NPTXR: variants seen among roughly 807,000 people sequenced by gnomAD.
NPTXR encodes the protein neuronal pentraxin receptor.
NPTXR carries 12 observed loss-of-function variants against 32.2 expected under a neutral mutation model. The observed-to-expected ratio is 0.37, with a 90% CI of 0.24 to 0.60. The LOEUF (loss-of-function observed/expected upper bound fraction) is 0.60, where lower values mean the gene tolerates loss of function less well. NPTXR is among the 20% of genes least tolerant of loss of function. The pLI is 0.66. For missense variants in NPTXR, 612 were observed against 682.9 expected (o/e 0.90, Z 1.16); for synonymous variants, 323 against 315.8 (o/e 1.02, Z -0.24).
At chr22:38,832,062 C>T (rs566542270) in intron 1 of NPTXR, among the ~76,000 whole-genome samples, 4 of 152,084 alleles carry the variant, frequency 2.6e-5, no homozygotes, top group Non-Finnish European at 4.4e-5. Flanking sequence ...AACAGGGAGT[C>T]GAGGCTATTT....
chr22:38,830,891 C>A (rs537073494), intron 1 of NPTXR, among the ~76,000 whole-genome samples: 2 of 152,304 alleles, frequency 1.3e-5, no homozygotes, highest in Non-Finnish European at 1.5e-5. Flanking sequence ...CCACCCCCCC[C>A]ACCTCTTGTG....
rs1411532744 is a variant in NPTXR at position 38,843,942 on chromosome 22, G to C, written c.-84C>G. On this transcript the variant is annotated 5_prime_UTR_variant, in exon 1 of 5. Transcript: ENST00000333039. This position sits in a 1 kb window ranked among gnomAD's most constrained non-coding sequence, Gnocchi z 5.3. ...GCGCGGAGCCCGGGCGCGCTGGGCC[G>C]AGCGGGGCAGGCGCGGGAGCCGGAG... 3.7e-6 allele frequency: 3 copies of C among 804,208 alleles called. No individual in the cohort carries two copies. Among genetic ancestry groups the C allele is most frequent in the South Asian group, 5.4e-5 (1 of 18,650 alleles). The allele number at this position is 804,208 out of a possible 1,614,324, so 49.8% of individuals were successfully genotyped here. A position where few individuals can be genotyped will look rare whatever the true frequency, so the allele number is the denominator to read the frequency against.
rs891793956 is a variant in NPTXR, at chr22:38,820,400, T to C, written c.*2209A>G. 2 of 152,514 alleles carry C rather than the reference T, an allele frequency of 1.3e-5. No individual in the cohort carries two copies. The highest frequency in any genetic ancestry group is 2.9e-5 in the Non-Finnish European group (2 of 68,066). 9.4% of individuals were successfully genotyped at this position (152,514 alleles called of 1,614,324 possible). On this transcript the variant is annotated 3_prime_UTR_variant, in exon 5 of 5. Transcript: ENST00000333039. ...CCCGGCCTGCAGCTCTTGCATCATG[T>C]CTCAGGCTAAGTGGCCTCAGGGAGT...
Position 38,829,314 on chromosome 22 carries a change from A to G in NPTXR, c.625-802T>C, listed in dbSNP as rs562224247. On this transcript the variant is annotated intron_variant, in intron 1 of 4. Coordinates refer to ENST00000333039, the MANE Select transcript of NPTXR (RefSeq NM_014293.4). ...CCCATCCAGCCCGGGATGAGGTCTA[A>G]GTGTTCAGAGTTCCCCATGACATGC... 2.0e-5 allele frequency among the ~76,000 whole-genome samples: 3 copies of G among 152,242 alleles called. No individual in the cohort carries two copies. In the South Asian group the frequency reaches 6.2e-4, roughly 32 times the overall value.
chr22:38,822,311 AATCAG>A lies in NPTXR; in HGVS notation c.*293_*297del, dbSNP rs974302755. ...CTGGGGGTGCTGTCAAAATTAGTGAAATCAGATACAGTTGATGGGCAGGGAGGGTG... is the reference window on the plus strand; with the variant it reads ...CTGGGGGTGCTGTCAAAATTAGTGAAATACAGTTGATGGGCAGGGAGGGTG... On this transcript the variant is annotated 3_prime_UTR_variant, in exon 5 of 5. Coordinates refer to ENST00000333039, the MANE Select transcript of NPTXR (RefSeq NM_014293.4). 9 of 423,038 alleles carry A rather than the reference AATCAG, an allele frequency of 2.1e-5. No individual in the cohort carries two copies. Among genetic ancestry groups the A allele is most frequent in the African/African-American group, 1.8e-4 (9 of 49,924 alleles). The allele number at this position is 423,038 out of a possible 1,614,324, so 26.2% of individuals were successfully genotyped here. A position where few individuals can be genotyped will look rare whatever the true frequency, so the allele number is the denominator to read the frequency against.
In NPTXR at chr22:38,843,703, G is replaced by A; in HGVS notation, c.156C>T (p.Ser52=). The change falls in exon 1 of 5, where the codon TCC becomes TCT. Residue 52 remains serine, a synonymous_variant. Transcript: ENST00000333039. The surrounding 1 kb of genome is among the most constrained non-coding windows in gnomAD (Gnocchi z 5.3). ...CGCTCAGGCTCCGCTGCGGGCCCGG[G>A]GACGCGGCGGCGCCCGAGGCGACCG... The A allele has an allele frequency of 1.0e-6, 1 of 994,934 alleles. No homozygotes were observed. The highest frequency in any genetic ancestry group is 1.2e-6 in the Non-Finnish European group (1 of 838,006). 61.6% of individuals were successfully genotyped at this position (994,934 alleles called of 1,614,324 possible).
At chr22:38,838,735 C>A (rs557125850) in intron 1 of NPTXR, among the ~76,000 whole-genome samples, 1 of 152,210 alleles carries the variant, frequency 6.6e-6, no homozygotes, top group East Asian at 1.9e-4. Flanking sequence ...GTGCCCGCCA[C>A]CATGCCTGGC....
At chr22:38,833,880 G>T (rs1361551090) in intron 1 of NPTXR, among the ~76,000 whole-genome samples, 1 of 152,114 alleles carries the variant, frequency 6.6e-6, no homozygotes, top group Non-Finnish European at 1.5e-5. Flanking sequence ...GTTTCACTGT[G>T]TTAGCCAGGA....
chr22:38,837,015 C>T (rs1238593998), intron 1 of NPTXR, among the ~76,000 whole-genome samples: 1 of 152,118 alleles, frequency 6.6e-6, no homozygotes, highest in Non-Finnish European at 1.5e-5. Flanking sequence ...GAGGTTTCAC[C>T]GTGTTAGCCA....
intron 3 of NPTXR, among the ~76,000 whole-genome samples, chr22:38,824,062 C>G (rs1374457928): frequency 6.6e-6 from 1 of 151,930 alleles, no homozygotes; most frequent in Non-Finnish European, 1.5e-5. Flanking sequence ...ACCACAGCCT[C>G]CATCTCCTGG....
chr22:38,826,620 C>T lies in NPTXR; in HGVS notation c.978G>A (p.Arg326=), dbSNP rs369957832. 4 of 1,614,258 alleles carry T rather than the reference C, an allele frequency of 2.5e-6. No individual in the cohort carries two copies. Among genetic ancestry groups the T allele is most frequent in the Non-Finnish European group, 3.4e-6 (4 of 1,180,048 alleles). The change falls in exon 3 of 5, where the codon CGG becomes CGA. Residue 326 remains arginine, a synonymous_variant. Coordinates refer to ENST00000333039, the MANE Select transcript of NPTXR (RefSeq NM_014293.4). The stretch of plus-strand genomic sequence containing the variant: ...CCTGGCCGGTGCCGCTGGACCTGGA[C>T]CGCAGCCACATGCAGGCGGTGAATG...
intron 1 of NPTXR, among the ~76,000 whole-genome samples, chr22:38,839,589 G>A (rs2093129137): frequency 6.6e-6 from 1 of 152,138 alleles, no homozygotes; most frequent in African/African-American, 2.4e-5. Context: ...AGGTTGCAAT[G>A]AGCCAAGATT....
intron 1 of NPTXR, among the ~76,000 whole-genome samples, chr22:38,841,940 C>A (rs2093132291): frequency 6.6e-6 from 1 of 152,216 alleles, no homozygotes; most frequent in Non-Finnish European, 1.5e-5. Flanking sequence ...CTGCCTCTGC[C>A]ACCTCTCTTA....
At chr22:38,842,559 G>A (rs1423471368) in intron 1 of NPTXR, among the ~76,000 whole-genome samples, 1 of 152,212 alleles carries the variant, frequency 6.6e-6, no homozygotes, top group Non-Finnish European at 1.5e-5. Flanking sequence ...AGTGAGTGGA[G>A]GAGGAGGAGC....
At chr22:38,828,916 T>C (rs1360373406) in intron 1 of NPTXR, among the ~76,000 whole-genome samples, 1 of 152,220 alleles carries the variant, frequency 6.6e-6, no homozygotes, top group Non-Finnish European at 1.5e-5. Flanking sequence ...ATCTTAGTCT[T>C]CATTCCCTCA....
intron 2 of NPTXR, among the ~76,000 whole-genome samples, chr22:38,827,260 C>CTTTT (rs66921740): frequency 3.1e-5 from 3 of 97,640 alleles, no homozygotes; most frequent in East Asian, 2.5e-4. Context: ...TTTTTTCTTT[C>CTTTT]TTTTTTTTTT....
intron 1 of NPTXR, among the ~76,000 whole-genome samples, chr22:38,836,144 G>A (rs551358524): frequency 4.6e-5 from 7 of 152,240 alleles, no homozygotes; most frequent in Non-Finnish European, 1.0e-4. Context: ...TGACCATACC[G>A]AGTTTGGCGA....
Position 38,826,571 on chromosome 22 carries a change from G to A in NPTXR, c.1027C>T (p.Pro343Ser). The A allele has an allele frequency of 6.2e-7, 1 of 1,614,228 alleles. No homozygotes were observed. The highest frequency in any genetic ancestry group is 8.5e-7 in the Non-Finnish European group (1 of 1,180,040). ...AGTACAATCTCGTTGGCCTGCCCGG[G>A]CACTGAGTAGGAGAAGGGGGTGCCC... The change falls in exon 3 of 5, where the codon CCC (proline) becomes TCC (serine). Residue 343 changes from proline to serine, a missense_variant. By Grantham distance (74) the Pro-to-Ser change is moderately conservative. Transcript: ENST00000333039.
At chr22:38,831,547 C>T (rs1413522823) in intron 1 of NPTXR, among the ~76,000 whole-genome samples, 1 of 152,150 alleles carries the variant, frequency 6.6e-6, no homozygotes, top group Non-Finnish European at 1.5e-5. Context: ...ATGGGGCGCT[C>T]ATTACCTCCA....
Sources: gnomAD v4.1 joint callset for allele counts (sites outside exome capture counted in the v4.1 genomes callset) on GRCh38, gnomAD v4.1.1 for gene constraint, Gnocchi (gnomAD v3.1) non-coding constraint, MANE v1.5 for transcripts, NCBI Gene and HGNC (gene_info 2026-07-23, HGNC 2026-07-21) for gene names.